LRRFIP2: variants seen among roughly 807,000 people sequenced by gnomAD.
LRRFIP2 encodes leucine-rich repeat flightless-interacting protein 2.
Under a neutral mutation model 125.9 loss-of-function variants are expected in LRRFIP2, and 109 were observed. The observed-to-expected ratio is 0.87, with a 90% CI of 0.74 to 1.01. LRRFIP2 has a LOEUF of 1.01. Among genes scored for constraint, LRRFIP2 ranks in the 50% least tolerant of loss-of-function variants. The probability of loss-of-function intolerance (pLI) is 0.00; values close to 1 mark genes in which losing one functional copy is unlikely to be tolerated. For missense variants in LRRFIP2, 850 were observed against 862.3 expected, an observed-to-expected ratio of 0.99 and a Z score of 0.18; for synonymous variants, 291 against 293.1, an observed-to-expected ratio of 0.99 and a Z score of 0.07.
intron 6 of LRRFIP2, among the ~76,000 whole-genome samples, chr3:37,118,925 A>T (rs1321248687): frequency 3.3e-5 from 5 of 152,274 alleles, no homozygotes; most frequent in African/African-American, 1.2e-4. Context: ...ACAGAGGACA[A>T]AAGTTGTCTA....
chr3:37,072,202 A>G (rs1456759760), intron 21 of LRRFIP2, among the ~76,000 whole-genome samples: 4 of 152,118 alleles, frequency 2.6e-5, no homozygotes, highest in African/African-American at 9.7e-5. Context: ...CTGTTTCTGG[A>G]TAAGAATCTG....
intron 1 of LRRFIP2, among the ~76,000 whole-genome samples, chr3:37,155,214 A>G (rs1456910484): frequency 6.6e-6 from 1 of 152,268 alleles, no homozygotes; most frequent in East Asian, 1.9e-4. Flanking sequence ...ATGAATTAAG[A>G]AAAATCCAAG....
intron 13 of LRRFIP2, among the ~76,000 whole-genome samples, chr3:37,106,164 G>A (rs1231776030): frequency 6.6e-6 from 1 of 152,144 alleles, no homozygotes. Flanking sequence ...CCCATCAGGG[G>A]TCAACAAATA....
chr3:37,103,069 A>C (rs2094152154), intron 14 of LRRFIP2, 56 bp from the exon 15 acceptor site: 3 of 1,372,740 alleles, frequency 2.2e-6, no homozygotes, highest in Non-Finnish European at 3.0e-6. Flanking sequence ...AGAAAGAAAA[A>C]AATAAGAACA....
Position 37,135,017 on chromosome 3 carries a change from G to A in LRRFIP2, c.91-5868C>T, listed in dbSNP as rs934934250. The A allele has an allele frequency of 3.3e-6, 5 of 1,501,126 alleles. 1 individual carries two copies. In the South Asian group the frequency reaches 4.5e-5, roughly 14 times the overall value. The allele number at this position is 1,501,126 out of a possible 1,614,324, so 93.0% of individuals were successfully genotyped here. ...TGATCCAAACCCAGATGACCCCCTAGTGCCAGAGAGCACACGGATCCATAA... is the reference window on the plus strand; with the variant it reads ...TGATCCAAACCCAGATGACCCCCTAATGCCAGAGAGCACACGGATCCATAA... On this transcript the variant is annotated intron_variant, in intron 2 of 27. Transcript: ENST00000336686.
In LRRFIP2 at chr3:37,053,482, C is replaced by T. The variant is rs1384134879; in HGVS notation, c.*369G>A. On this transcript the variant is annotated 3_prime_UTR_variant, in exon 28 of 28. Transcript: ENST00000336686. ...CACTTGTGTTTTCTGAGGTCTCCAG[C>T]AAGTATCTCAGTGAGCACTCATAGA... is the stretch of plus-strand genomic sequence containing the variant. The T allele has an allele frequency of 5.2e-6, 1 of 194,122 alleles. No homozygotes were observed. Among genetic ancestry groups the T allele is most frequent in the Admixed American group, 5.5e-5 (1 of 18,334 alleles). 12.0% of individuals were successfully genotyped at this position (194,122 alleles called of 1,614,324 possible). A position where few individuals can be genotyped will look rare whatever the true frequency, so the allele number is the denominator to read the frequency against.
chr3:37,125,061 CATGT>C (rs1446371472), intron 4 of LRRFIP2, among the ~76,000 whole-genome samples: 1 of 151,184 alleles, frequency 6.6e-6, no homozygotes, highest in African/African-American at 2.4e-5. Flanking sequence ...AAAAAAAAGA[CATGT>C]ATTTGTTCAA....
intron 25 of LRRFIP2, among the ~76,000 whole-genome samples, chr3:37,057,805 C>T (rs1385297814): frequency 6.6e-6 from 1 of 152,198 alleles, no homozygotes; most frequent in African/African-American, 2.4e-5. Context: ...CCGAGAATTA[C>T]ACATAATCAC....
chr3:37,147,162 A>ATC (rs1336701143), intron 2 of LRRFIP2, among the ~76,000 whole-genome samples: 1 of 152,206 alleles, frequency 6.6e-6, no homozygotes, highest in Non-Finnish European at 1.5e-5. Context: ...ATGAGAAACC[A>ATC]TCTCACGCCA....
chr3:37,057,954 G>C (rs934127974), intron 25 of LRRFIP2, among the ~76,000 whole-genome samples: 1 of 152,122 alleles, frequency 6.6e-6, no homozygotes, highest in Non-Finnish European at 1.5e-5. Context: ...GAATAGAATA[G>C]ACTTTATTTT....
At chr3:37,091,354 GACAA>G in intron 18 of LRRFIP2, 109 bp downstream of exon 18, 1 of 686,788 alleles carries the variant, frequency 1.5e-6, no homozygotes, top group Non-Finnish European at 2.4e-6. Context: ...ATGCTTGAAA[GACAA>G]ACACTGTTAG....
At chr3:37,106,505 C>T (rs2094331229) in intron 13 of LRRFIP2, among the ~76,000 whole-genome samples, 1 of 152,144 alleles carries the variant, frequency 6.6e-6, no homozygotes, top group Admixed American at 6.5e-5. Flanking sequence ...GGACAAGATC[C>T]TACATTTGAC....
intron 1 of LRRFIP2, among the ~76,000 whole-genome samples, chr3:37,163,798 A>C (rs1190274600): frequency 6.6e-6 from 1 of 152,212 alleles, no homozygotes; most frequent in Non-Finnish European, 1.5e-5. Context: ...TGAGCAGAGA[A>C]TGGTCCCAAG....
At chr3:37,062,220 C>T (rs529734261) in intron 24 of LRRFIP2, among the ~76,000 whole-genome samples, 2 of 152,310 alleles carry the variant, frequency 1.3e-5, no homozygotes, top group Non-Finnish European at 2.9e-5. Flanking sequence ...TCTAACATAT[C>T]ATATAATATT....
At chr3:37,151,342 G>A (rs1236091979) in intron 1 of LRRFIP2, among the ~76,000 whole-genome samples, 1 of 150,912 alleles carries the variant, frequency 6.6e-6, no homozygotes, top group African/African-American at 2.4e-5. Context: ...CTGGGCAACA[G>A]AGCAAGACTC....
At chr3:37,093,587 T>A (rs1020936110) in intron 17 of LRRFIP2, among the ~76,000 whole-genome samples, 1 of 152,224 alleles carries the variant, frequency 6.6e-6, no homozygotes, top group Non-Finnish European at 1.5e-5. Context: ...CACCTCATCC[T>A]CACTGTTGAA....
intron 2 of LRRFIP2, among the ~76,000 whole-genome samples, chr3:37,130,619 G>A (rs561898166): frequency 1.3e-5 from 2 of 152,236 alleles, no homozygotes; most frequent in South Asian, 2.1e-4. Context: ...TAAATTGTAC[G>A]CCATTCTGAG....
chr3:37,128,339 T>G (rs991279892), intron 3 of LRRFIP2, among the ~76,000 whole-genome samples: 2 of 152,176 alleles, frequency 1.3e-5, no homozygotes, highest in Non-Finnish European at 2.9e-5. Context: ...TTATGGGAAT[T>G]TTCAGGACCA....
chr3:37,102,298 C>T (rs2094104483), intron 15 of LRRFIP2, among the ~76,000 whole-genome samples: 1 of 150,664 alleles, frequency 6.6e-6, no homozygotes, highest in Non-Finnish European at 1.5e-5. Context: ...TAGAATAACT[C>T]AGGGAAAAAA....
Sources: gnomAD v4.1 joint callset for allele counts (sites outside exome capture counted in the v4.1 genomes callset) on GRCh38, gnomAD v4.1.1 for gene constraint, MANE v1.5 for transcripts, NCBI Gene and HGNC (gene_info 2026-07-23, HGNC 2026-07-21) for gene names.